IMPG2: variants seen among roughly 807,000 people sequenced by gnomAD.
The protein encoded by IMPG2 is IPM 200.
In IMPG2, 91 loss-of-function variants were observed where a neutral mutation model predicts 129.2. The ratio of observed to expected loss-of-function variants is 0.70; its 90% CI spans 0.59 to 0.84. IMPG2 has a LOEUF of 0.84. Ranked by LOEUF, IMPG2 falls within the 40% of genes least tolerant of loss-of-function variation. The pLI is 0.00. For synonymous variants in IMPG2, 510 were observed against 517.7 expected (o/e 0.99, Z 0.20); for missense variants, 1,430 against 1,461.7 (o/e 0.98, Z 0.35).
intron 3 of IMPG2, among the ~76,000 whole-genome samples, chr3:101,300,516 G>A (rs1292873798): frequency 6.6e-5 from 10 of 152,344 alleles, no homozygotes; most frequent in Middle Eastern, 3.4e-3. Flanking sequence ...CCTAGGCCCC[G>A]GAGGTATGGG....
At chr3:101,283,699 C>A (rs74950651) in intron 4 of IMPG2, among the ~76,000 whole-genome samples, 4 of 151,900 alleles carry the variant, frequency 2.6e-5, no homozygotes, top group Non-Finnish European at 5.9e-5. Flanking sequence ...TACTACATAG[C>A]AAAATACAAA....
rs1032974342 is a variant in IMPG2, at chr3:101,224,700, T to C, written c.*2269A>G. On this transcript the variant is annotated 3_prime_UTR_variant, in exon 19 of 19. Coordinates refer to ENST00000193391, the MANE Select transcript of IMPG2 (RefSeq NM_016247.4). Reference sequence around the variant, plus strand: ...CAACCTTTCAACAGTGGTTCAGCTATAGCAAAGGCAGGACAAAAGTTGTAT... The same window carrying C: ...CAACCTTTCAACAGTGGTTCAGCTACAGCAAAGGCAGGACAAAAGTTGTAT... 1.3e-5 allele frequency: 2 copies of C among 152,224 alleles called. No homozygotes were observed. Among genetic ancestry groups the C allele is most frequent in the Non-Finnish European group, 2.9e-5 (2 of 68,034 alleles). The allele number at this position is 152,224 out of a possible 1,614,324, so 9.4% of individuals were successfully genotyped here.
rs1224867285 is a variant in IMPG2, at chr3:101,320,410, C to T, written c.-38G>A. 1 of 1,289,856 alleles carries T rather than the reference C, an allele frequency of 7.8e-7. No homozygotes were observed. The highest frequency in any genetic ancestry group is 2.3e-5 in the East Asian group (1 of 42,934). 79.9% of individuals were successfully genotyped at this position (1,289,856 alleles called of 1,614,324 possible). On this transcript the variant is annotated 5_prime_UTR_variant, in exon 1 of 19. Transcript: ENST00000193391. Reference sequence around the variant, plus strand: ...CAAAGGAATGAGGAGAGGACAGAATCCTTAATTGAGTGTCCAAATCCTTGA... The same window carrying T: ...CAAAGGAATGAGGAGAGGACAGAATTCTTAATTGAGTGTCCAAATCCTTGA...
At chr3:101,310,706 G>A (rs1432761160) in intron 2 of IMPG2, among the ~76,000 whole-genome samples, 1 of 151,786 alleles carries the variant, frequency 6.6e-6, no homozygotes, top group Non-Finnish European at 1.5e-5. Flanking sequence ...TGTTTAAAAT[G>A]TTTTCATAAA....
chr3:101,229,320 G>GGGGGCC, intron 17 of IMPG2, 60 bp downstream of exon 17: 2 of 519,334 alleles, frequency 3.9e-6, no homozygotes, highest in East Asian at 5.2e-5. Context: ...ACCACCCCCT[G>GGGGGCC]CTCCCCCACA....
chr3:101,274,283 A>T (rs1418911233), intron 6 of IMPG2, among the ~76,000 whole-genome samples: 1 of 152,168 alleles, frequency 6.6e-6, no homozygotes, highest in Non-Finnish European at 1.5e-5. Context: ...AATATAATAC[A>T]GTCTAATTAG....
chr3:101,229,137 G>T (rs1377374645), intron 17 of IMPG2, among the ~76,000 whole-genome samples: 1 of 66,586 alleles, frequency 1.5e-5, no homozygotes, highest in East Asian at 4.2e-4. Context: ...AGTTAATAAC[G>T]CAAAAAAAAA....
intron 14 of IMPG2, among the ~76,000 whole-genome samples, chr3:101,235,290 C>A (rs1322546714): frequency 2.6e-5 from 4 of 152,190 alleles, no homozygotes; most frequent in African/African-American, 9.7e-5. Context: ...GTTTTGACTG[C>A]AACCCATCCC....
intron 11 of IMPG2, among the ~76,000 whole-genome samples, chr3:101,247,376 T>A (rs1279936837): frequency 6.6e-6 from 1 of 152,224 alleles, no homozygotes; most frequent in Non-Finnish European, 1.5e-5. Flanking sequence ...TGCAGGCAGA[T>A]AACCTGAGGT....
At chr3:101,318,971 C>G (rs1263582179) in intron 2 of IMPG2, among the ~76,000 whole-genome samples, 1 of 151,996 alleles carries the variant, frequency 6.6e-6, no homozygotes. Context: ...TGTGTACCAA[C>G]TAGAGAGCAA....
At chr3:101,271,277 A>G (rs1018450984) in intron 7 of IMPG2, among the ~76,000 whole-genome samples, 25 of 152,144 alleles carry the variant, frequency 1.6e-4, no homozygotes, top group African/African-American at 5.1e-4. Flanking sequence ...CACCTACCAT[A>G]TTGATTTTAA....
chr3:101,269,574 C>A lies in IMPG2; in HGVS notation c.829-1G>T, dbSNP rs776740276. 2.4e-5 allele frequency: 38 copies of A among 1,561,014 alleles called. No homozygotes were observed. The highest frequency in any genetic ancestry group is 3.2e-5 in the Non-Finnish European group (36 of 1,132,416). ...GTAACCCAGTAAATGCATTTTCAAC[C>A]TGTTAAAAGTACAAATAAAAATGAT... is the stretch of plus-strand genomic sequence containing the variant. On this transcript the variant is annotated splice_acceptor_variant, in intron 7 of 18. Transcript: ENST00000193391. LOFTEE classifies it high-confidence loss of function.
chr3:101,249,652 T>A (rs1576750614), intron 11 of IMPG2, among the ~76,000 whole-genome samples: 1 of 151,768 alleles, frequency 6.6e-6, no homozygotes, highest in Non-Finnish European at 1.5e-5. Flanking sequence ...ATGAAATGTA[T>A]GAGAGAAAAA....
intron 17 of IMPG2, among the ~76,000 whole-genome samples, 193 bp from the exon 18 acceptor site, chr3:101,229,069 T>C (rs1284777709): frequency 6.6e-6 from 1 of 151,006 alleles, no homozygotes; most frequent in African/African-American, 2.4e-5. Flanking sequence ...GGATATTACA[T>C]GTCCTGCTCT....
At chr3:101,234,653 T>A (rs980810460) in intron 14 of IMPG2, among the ~76,000 whole-genome samples, 9 of 152,220 alleles carry the variant, frequency 5.9e-5, no homozygotes, top group Non-Finnish European at 1.0e-4. Context: ...ATCCGGGTAT[T>A]CGTTTTGTGA....
At chr3:101,275,535 G>A (rs1455053512) in intron 6 of IMPG2, 128 bp downstream of exon 6, 1 of 729,424 alleles carries the variant, frequency 1.4e-6, no homozygotes, top group African/African-American at 1.7e-5. Flanking sequence ...ACTGGTTTTA[G>A]GATCCATGTC....
At chr3:101,227,556 G>A (rs747172508) in intron 18 of IMPG2, among the ~76,000 whole-genome samples, 1 of 152,200 alleles carries the variant, frequency 6.6e-6, no homozygotes, top group Non-Finnish European at 1.5e-5. Flanking sequence ...GCTTTGAGAG[G>A]CTTCTAAAGG....
rs767084991 is a variant in IMPG2, at chr3:101,290,220, C to T, written c.533+1259G>A. 3.9e-5 allele frequency among the ~76,000 whole-genome samples: 6 copies of T among 152,186 alleles called. No homozygotes were observed. In the East Asian group the frequency reaches 9.7e-4, roughly 25 times the overall value. ...CTCTCTGTGGTGAAGAAACCACACC[C>T]GGCCAGGCATAGTGGCTCACACCTG... is the stretch of plus-strand genomic sequence containing the variant. On this transcript the variant is annotated intron_variant, in intron 4 of 18. Coordinates refer to ENST00000193391, the MANE Select transcript of IMPG2 (RefSeq NM_016247.4).
intron 13 of IMPG2, 90 bp downstream of exon 13, chr3:101,243,439 C>T (rs1706431596): frequency 2.6e-6 from 3 of 1,142,788 alleles, no homozygotes; most frequent in African/African-American, 1.5e-5. Flanking sequence ...ATCACACTTT[C>T]CCTGGCTCAG....
Sources: allele counts gnomAD v4.1 joint callset (sites outside exome capture counted in the v4.1 genomes callset), GRCh38; gene constraint gnomAD v4.1.1; transcripts MANE v1.5; gene names NCBI Gene and HGNC (gene_info 2026-07-23, HGNC 2026-07-21).